RCBTB2: variants seen among roughly 807,000 people sequenced by gnomAD.
RCBTB2 encodes RCC1 and BTB domain-containing protein 2.
In RCBTB2, 55 loss-of-function variants were observed where a neutral mutation model predicts 65.4. The observed-to-expected ratio is 0.84, with a 90% CI of 0.68 to 1.05. RCBTB2 has a LOEUF of 1.05. Among genes scored for constraint, RCBTB2 ranks in the 50% least tolerant of loss-of-function variants. The pLI, the probability that RCBTB2 is intolerant of heterozygous loss-of-function variation, is 0.00. For synonymous variants in RCBTB2, 220 were observed against 255.2 expected, an observed-to-expected ratio of 0.86 and a Z score of 1.31; for missense variants, 599 against 680.1, an observed-to-expected ratio of 0.88 and a Z score of 1.33.
At chr13:48,533,177 G>T (rs1261592238), upstream of RCBTB2, 6 of 371,820 alleles carry the variant, frequency 1.6e-5, no homozygotes, top group Non-Finnish European at 2.7e-5. Context: ...AGACGGAAAC[G>T]AAGGGAGCGC....
Position 48,521,919 on chromosome 13 carries a change from A to C in RCBTB2, c.21T>G (p.Leu7=). The C allele has an allele frequency of 6.2e-7, 1 of 1,613,888 alleles. No homozygotes were observed. Among genetic ancestry groups the C allele is most frequent in the Non-Finnish European group, 8.5e-7 (1 of 1,179,864 alleles). Reference sequence around the variant, plus strand: ...TAACCTTGCCACTGTCTCCAGAGAAAAGAGGAAGTTCTTCTTCCATATGGA... The same window carrying C: ...TAACCTTGCCACTGTCTCCAGAGAACAGAGGAAGTTCTTCTTCCATATGGA... MEEELP[L]FSGDSGKPVQ... The change falls in exon 4 of 15, where the codon CTT becomes CTG. Residue 7 remains leucine (L), a synonymous_variant. Coordinates refer to ENST00000344532, the MANE Select transcript of RCBTB2 (RefSeq NM_001268.4).
upstream of RCBTB2, among the ~76,000 whole-genome samples, chr13:48,533,520 T>TC (rs1952298110): frequency 6.6e-6 from 1 of 152,148 alleles, no homozygotes; most frequent in Non-Finnish European, 1.5e-5. Flanking sequence ...ATCTGGGGGC[T>TC]CCGATCACTT....
At chr13:48,491,572 C>T (rs903780407) in intron 14 of RCBTB2, 2 of 152,190 alleles carry the variant, frequency 1.3e-5, no homozygotes, top group African/African-American at 4.8e-5. Flanking sequence ...TTTTTGCCTA[C>T]AGCACACAAA....
At chr13:48,508,509 T>C (rs1950616175) in intron 10 of RCBTB2, among the ~76,000 whole-genome samples, 1 of 151,892 alleles carries the variant, frequency 6.6e-6, no homozygotes, top group Non-Finnish European at 1.5e-5. Flanking sequence ...GGTCAAGGGA[T>C]TCTCGTGCCT....
chr13:48,518,704 T>C (rs1237365926), intron 4 of RCBTB2, among the ~76,000 whole-genome samples: 1 of 151,796 alleles, frequency 6.6e-6, no homozygotes, highest in Non-Finnish European at 1.5e-5. Flanking sequence ...CCAAGAATCT[T>C]TATTTAAAAT....
intron 4 of RCBTB2, among the ~76,000 whole-genome samples, chr13:48,518,988 A>G (rs1219557668): frequency 1.3e-5 from 2 of 152,178 alleles, no homozygotes; most frequent in Non-Finnish European, 2.9e-5. Flanking sequence ...AATAATGTCT[A>G]TATCTTATAT....
chr13:48,508,810 C>T (rs1950634096), intron 10 of RCBTB2, among the ~76,000 whole-genome samples: 1 of 152,206 alleles, frequency 6.6e-6, no homozygotes, highest in Non-Finnish European at 1.5e-5. Flanking sequence ...ACTCACACAG[C>T]TTCCATTCCC....
intron 12 of RCBTB2, among the ~76,000 whole-genome samples, chr13:48,501,514 G>A (rs927818451): frequency 2.0e-5 from 3 of 152,110 alleles, no homozygotes; most frequent in African/African-American, 4.8e-5. Context: ...AGGTGACCAC[G>A]CCACTTTTCA....
Position 48,489,810 on chromosome 13 carries a change from A to C in RCBTB2, c.*301T>G. The C allele has an allele frequency of 2.6e-6, 1 of 383,928 alleles. No homozygotes were observed. Among genetic ancestry groups the C allele is most frequent in the Non-Finnish European group, 4.8e-6 (1 of 208,034 alleles). The allele number at this position is 383,928 out of a possible 1,614,324, so 23.8% of individuals were successfully genotyped here. ...TGGAACATTTGGGCCAGAATAGCAT[A>C]TACTGAGACCAGGGTACCAAAGGTG... On this transcript the variant is annotated 3_prime_UTR_variant, in exon 15 of 15. Transcript: ENST00000344532.
intron 9 of RCBTB2, 112 bp from the exon 10 acceptor site, chr13:48,510,883 G>T: frequency 9.5e-7 from 1 of 1,054,168 alleles, no homozygotes. Flanking sequence ...CAGCCTACCC[G>T]TAGGAGAGGC....
At chr13:48,490,295 A>G (rs1949641810) in intron 14 of RCBTB2, 44 bp from the exon 15 acceptor site, 3 of 1,541,962 alleles carry the variant, frequency 1.9e-6, no homozygotes, top group African/African-American at 2.7e-5. Context: ...CATATTTACT[A>G]ATTCAATGCA....
intron 14 of RCBTB2, chr13:48,492,459 T>C (rs1444753718): frequency 6.6e-6 from 1 of 152,268 alleles, no homozygotes; most frequent in Admixed American, 6.5e-5. Context: ...CCCAAAGCTC[T>C]TCCTTTTTAT....
intron 10 of RCBTB2, chr13:48,504,186 G>C (rs1950377604): frequency 1.0e-6 from 1 of 985,250 alleles, no homozygotes. Flanking sequence ...AGCCTCCCAG[G>C]TCTCCCTTGC....
Position 48,504,482 on chromosome 13 carries a change from C to T in RCBTB2, c.927-1568G>A, listed in dbSNP as rs575940521. 2.0e-4 allele frequency: 71 copies of T among 349,474 alleles called. 1 individual carries two copies. The South Asian group carries it at 7.8e-3, about 38-fold the overall frequency. The allele number at this position is 349,474 out of a possible 1,614,324, so 21.6% of individuals were successfully genotyped here. Reference sequence around the variant, plus strand: ...CTTTCTCTCTGCCTTACAAACCCTACCCATCTTGTAAGGCCCAGTTCAAAC... The same window carrying T: ...CTTTCTCTCTGCCTTACAAACCCTATCCATCTTGTAAGGCCCAGTTCAAAC... On this transcript the variant is annotated intron_variant, in intron 10 of 14. Coordinates refer to ENST00000344532, the MANE Select transcript of RCBTB2 (RefSeq NM_001268.4).
intron 2 of RCBTB2, among the ~76,000 whole-genome samples, chr13:48,522,696 C>T (rs61948709): frequency 6.6e-6 from 1 of 152,186 alleles, no homozygotes; most frequent in South Asian, 2.1e-4. Context: ...AATATTCTCT[C>T]TCCTCCAAAA....
At chr13:48,493,315 A>ACACTCTCTCTCTCTCT (rs759504798) in intron 14 of RCBTB2, among the ~76,000 whole-genome samples, 4 of 75,030 alleles carry the variant, frequency 5.3e-5, no homozygotes, top group Non-Finnish European at 9.9e-5. Context: ...ACACACACAC[A>ACACTCTCTCTCTCTCT]CTCTCTCTCT....
intron 14 of RCBTB2, among the ~76,000 whole-genome samples, chr13:48,493,264 TCTCTCTCTCACC>T (rs1306261565): frequency 1.6e-4 from 14 of 88,072 alleles, no homozygotes; most frequent in Non-Finnish European, 2.5e-4. Context: ...CACACACTCT[TCTCTCTCTCACC>T]CTCTCTCTCT....
At chr13:48,533,495 A>G (rs368056169), upstream of RCBTB2, among the ~76,000 whole-genome samples, 21 of 152,226 alleles carry the variant, frequency 1.4e-4, 1 homozygote, top group South Asian at 4.1e-3. Flanking sequence ...CTTTTCTTCT[A>G]TTGCTGGCCC....
At chr13:48,520,098 T>C (rs999234312) in intron 4 of RCBTB2, among the ~76,000 whole-genome samples, 2 of 152,162 alleles carry the variant, frequency 1.3e-5, no homozygotes, top group African/African-American at 4.8e-5. Flanking sequence ...CAAACACTTC[T>C]GGTCCCAAGC....
Sources: gnomAD v4.1 joint callset for allele counts (sites outside exome capture counted in the v4.1 genomes callset) on GRCh38, gnomAD v4.1.1 for gene constraint, MANE v1.5 for transcripts, NCBI Gene and HGNC (gene_info 2026-07-23, HGNC 2026-07-21) for gene names.